CAP1: variants seen among roughly 807,000 people sequenced by gnomAD.
The protein encoded by CAP1 is adenylyl cyclase-associated protein 1.
CAP1 carries 11 observed loss-of-function variants against 58.2 expected under a neutral mutation model. The observed-to-expected ratio is 0.19, with a 90% CI of 0.12 to 0.31. CAP1 has a LOEUF of 0.31. Among genes scored for constraint, CAP1 ranks in the 10% least tolerant of loss-of-function variants. CAP1 has a pLI of 1.00. For synonymous variants in CAP1, 183 were observed against 213.8 expected (o/e 0.86, Z 1.26); for missense variants, 423 against 587.5 (o/e 0.72, Z 2.89).
intron 9 of CAP1, 75 bp downstream of exon 9, chr1:40,069,949 G>T: frequency 6.9e-7 from 1 of 1,454,262 alleles, no homozygotes; most frequent in Non-Finnish European, 9.2e-7. Context: ...TCACTTTGTC[G>T]CCCAGGCTGG....
At chr1:40,064,191 A>T (rs1646977295) in intron 4 of CAP1, 36 bp from the exon 5 acceptor site, 1 of 1,609,046 alleles carries the variant, frequency 6.2e-7, no homozygotes, top group Non-Finnish European at 8.5e-7. Context: ...TTGTGGAAAG[A>T]TGTTAACCTG....
intron 4 of CAP1, among the ~76,000 whole-genome samples, chr1:40,062,558 T>A (rs1485755177): frequency 6.6e-6 from 1 of 152,078 alleles, no homozygotes; most frequent in East Asian, 1.9e-4. Context: ...GAGACCAGCC[T>A]GGGCAACATA....
At chr1:40,040,485 A>G (rs1190681608), upstream of CAP1, 1 of 152,326 alleles carries the variant, frequency 6.6e-6, no homozygotes, top group South Asian at 2.1e-4. Flanking sequence ...AAGCGGAACG[A>G]GGGCGTGGCC....
chr1:40,065,264 C>G (rs1647021534), intron 6 of CAP1, among the ~76,000 whole-genome samples: 1 of 152,184 alleles, frequency 6.6e-6, no homozygotes, highest in Non-Finnish European at 1.5e-5. Context: ...GTAAGGCTGC[C>G]TAGCCAATGC....
intron 1 of CAP1, among the ~76,000 whole-genome samples, chr1:40,058,475 TA>T (rs1195060688): frequency 6.6e-6 from 1 of 152,072 alleles, no homozygotes; most frequent in Non-Finnish European, 1.5e-5. Context: ...CCTGTAATCC[TA>T]GCACTTTGGG....
At position 40,064,568 on chromosome 1, in the gene CAP1, A is replaced by G; in HGVS notation, c.524+9A>G. Reference sequence around the variant, plus strand: ...AAAGAGTACAAAGATGTGTAAGTTCAGCCTTTTCTCTCTTTTTTTCTTTTC... The same window carrying G: ...AAAGAGTACAAAGATGTGTAAGTTCGGCCTTTTCTCTCTTTTTTTCTTTTC... On this transcript the variant is annotated intron_variant, in intron 6 of 12. Transcript: ENST00000372805. 6.2e-7 allele frequency: 1 copy of G among 1,603,424 alleles called. No individual in the cohort carries two copies. Among genetic ancestry groups the G allele is most frequent in the Admixed American group, 1.7e-5 (1 of 60,008 alleles).
intron 1 of CAP1, among the ~76,000 whole-genome samples, chr1:40,043,495 G>A (rs1645940460): frequency 6.6e-6 from 1 of 152,146 alleles, no homozygotes; most frequent in Non-Finnish European, 1.5e-5. Flanking sequence ...CGCACCCGGC[G>A]TGAAGGGCTT....
At chr1:40,049,719 T>C (rs1251308176) in intron 1 of CAP1, among the ~76,000 whole-genome samples, 2 of 152,164 alleles carry the variant, frequency 1.3e-5, no homozygotes, top group African/African-American at 2.4e-5. Flanking sequence ...ACTTAGAAGC[T>C]TTGTCTTCTT....
At chr1:40,053,091 G>GCAGGTGCCTGTAGTCC (rs1646454161) in intron 1 of CAP1, among the ~76,000 whole-genome samples, 2 of 152,162 alleles carry the variant, frequency 1.3e-5, no homozygotes, top group Non-Finnish European at 2.9e-5. Context: ...GGGCGTGGTG[G>GCAGGTGCCTGTAGTCC]CAGGTGCCTG....
chr1:40,061,941 C>A lies in CAP1; in HGVS notation c.294+129C>A. On this transcript the variant is annotated intron_variant, in intron 4 of 12. Transcript: ENST00000372805. ...TTGATAATATATGTTCATACCAAGT[C>A]CCAGAGGTAGAGCCATACTTCAAGT... The A allele has an allele frequency of 4.1e-6, 3 of 731,020 alleles. No homozygotes were observed. In the South Asian group the frequency reaches 4.6e-5, roughly 11 times the overall value. 45.3% of individuals were successfully genotyped at this position (731,020 alleles called of 1,614,324 possible).
chr1:40,069,109 C>G (rs1033417568), intron 8 of CAP1, among the ~76,000 whole-genome samples: 1 of 152,226 alleles, frequency 6.6e-6, no homozygotes, highest in Non-Finnish European at 1.5e-5. Flanking sequence ...TGTGGGATTA[C>G]AGGCATGAGC....
intron 3 of CAP1, 45 bp downstream of exon 3, chr1:40,060,215 CT>C (rs745508871): frequency 9.2e-5 from 134 of 1,453,542 alleles, no homozygotes; most frequent in East Asian, 2.5e-4. Flanking sequence ...GGACTAACAG[CT>C]TTCTTCAGTC....
At chr1:40,057,524 T>C (rs1646669415) in intron 1 of CAP1, 1 of 152,240 alleles carries the variant, frequency 6.6e-6, no homozygotes, top group Admixed American at 6.5e-5. Context: ...CTCATTTTTT[T>C]TCTTTGCTTC....
In CAP1 at chr1:40,060,091, C is replaced by G. The variant is rs1389614137; in HGVS notation, c.137C>G (p.Ala46Gly). 6.2e-7 allele frequency: 1 copy of G among 1,613,594 alleles called. No individual in the cohort carries two copies. The highest frequency in any genetic ancestry group is 1.3e-5 in the African/African-American group (1 of 75,034). The change falls in exon 3 of 13, where the codon GCA becomes GGA. Residue 46 changes from alanine to glycine, a missense_variant. Ala to Gly is a moderately conservative substitution (Grantham distance 60). Transcript: ENST00000372805. ...SKAGAAPYVQAFDSLLAGPVA... is the reference protein window; with the variant it reads ...SKAGAAPYVQGFDSLLAGPVA... ...GCAGGAGCAGCTCCATATGTGCAGG[C>G]ATTTGACTCGCTGCTTGCTGGTCCT...
intron 1 of CAP1, 23 bp from the exon 2 acceptor site, chr1:40,059,314 T>C (rs746941092): frequency 7.6e-7 from 1 of 1,315,020 alleles, no homozygotes; most frequent in South Asian, 1.2e-5. Context: ...AAATAACAAA[T>C]GACATTTGAT....
rs72214452 is a variant in CAP1, at chr1:40,049,178, A to ATTTTTTTTTTTTTTTTT, written c.-11+8387_-11+8403dup. 7.7e-4 allele frequency among the ~76,000 whole-genome samples: 65 copies of ATTTTTTTTTTTTTTTTT among 84,886 alleles called. 5 individuals are homozygous for ATTTTTTTTTTTTTTTTT. Among genetic ancestry groups the ATTTTTTTTTTTTTTTTT allele is most frequent in the East Asian group, 4.1e-3 (9 of 2,194 alleles). The allele number at this position is 84,886 out of a possible 152,430, so 55.7% of individuals were successfully genotyped here. A position where few individuals can be genotyped will look rare whatever the true frequency, so the allele number is the denominator to read the frequency against. On this transcript the variant is annotated intron_variant, in intron 1 of 12. Coordinates refer to ENST00000372805, the MANE Select transcript of CAP1 (RefSeq NM_006367.4). ...TGGCAGGAATCACTAGCCATTTCTA[A>ATTTTTTTTTTTTTTTTT]TTTTTTTTTTTTTTTTTTTTTTTTT...
intron 8 of CAP1, among the ~76,000 whole-genome samples, chr1:40,068,746 G>A (rs1378557382): frequency 6.6e-6 from 1 of 152,150 alleles, no homozygotes; most frequent in African/African-American, 2.4e-5. Context: ...TGTTCAAAGC[G>A]AGGCGTGTGT....
chr1:40,061,698 T>C (rs201606614), intron 3 of CAP1, 37 bp from the exon 4 acceptor site: 3 of 1,554,250 alleles, frequency 1.9e-6, no homozygotes, highest in Admixed American at 1.7e-5. Context: ...TCTCTAGTTA[T>C]AATGTGTCAT....
chr1:40,068,529 C>T (rs930318149), intron 8 of CAP1, among the ~76,000 whole-genome samples: 3 of 151,838 alleles, frequency 2.0e-5, no homozygotes, highest in African/African-American at 2.4e-5. Context: ...CTGCCCACCT[C>T]GGCCTCCCAA....
Sources: allele counts gnomAD v4.1 joint callset (sites outside exome capture counted in the v4.1 genomes callset), GRCh38; gene constraint gnomAD v4.1.1; transcripts MANE v1.5; gene names NCBI Gene and HGNC (gene_info 2026-07-23, HGNC 2026-07-21).